The following HDAC9 variants were observed in gnomAD, a reference collection of about 807,000 sequenced individuals.
HDAC9 encodes histone deacetylase 9, also known as MEF-2 interacting transcription repressor (MITR) protein.
Under a neutral mutation model 139.4 loss-of-function variants are expected in HDAC9, and 41 were observed. The ratio of observed to expected loss-of-function variants is 0.29; its 90% CI spans 0.23 to 0.38. HDAC9 has a LOEUF of 0.38. Ranked by LOEUF, HDAC9 falls within the 10% of genes least tolerant of loss-of-function variation. HDAC9 has a pLI of 1.00. For synonymous variants in HDAC9, 517 were observed against 476.2 expected (o/e 1.09, Z -1.12); for missense variants, 1,147 against 1,297.0 (o/e 0.88, Z 1.78).
intron 2 of HDAC9, among the ~76,000 whole-genome samples, chr7:18,274,595 G>C (rs1313976270): frequency 6.6e-6 from 1 of 152,054 alleles, no homozygotes; most frequent in Non-Finnish European, 1.5e-5. Flanking sequence ...TTTGGGTGGG[G>C]ACAAACCACA....
chr7:18,603,838 T>C (rs563392879), intron 6 of HDAC9, among the ~76,000 whole-genome samples: 5 of 152,242 alleles, frequency 3.3e-5, no homozygotes, highest in East Asian at 1.9e-4. Context: ...AGGCAATAAA[T>C]GTCCTTAGTT....
intron 1 of HDAC9, among the ~76,000 whole-genome samples, chr7:18,445,515 A>T (rs563552638): frequency 5.3e-4 from 81 of 152,310 alleles, no homozygotes; most frequent in African/African-American, 1.8e-3. Context: ...GGCCTCTGTG[A>T]TTGTTTCAGA....
Position 18,612,318 on chromosome 7 carries a change from C to T in HDAC9, c.665-17032C>T, listed in dbSNP as rs1837387774. 2.6e-5 allele frequency among the ~76,000 whole-genome samples: 4 copies of T among 152,080 alleles called. No individual in the cohort carries two copies. In the South Asian group the frequency reaches 8.3e-4, roughly 31 times the overall value. ...AAAGACACATCAATTGTGTTTGCCA[C>T]TACCACTACATATACATATGTAGAA... On this transcript the variant is annotated intron_variant, in intron 6 of 25. Coordinates refer to ENST00000686413, the MANE Select transcript of HDAC9 (RefSeq NM_178425.4).
intron 2 of HDAC9, among the ~76,000 whole-genome samples, chr7:18,277,371 C>T (rs570316592): frequency 3.9e-5 from 6 of 152,066 alleles, no homozygotes; most frequent in African/African-American, 7.2e-5. Flanking sequence ...AAAAAGGAGA[C>T]GAGATGGGGC....
At chr7:18,097,268 A>G (rs956437073) in intron 1 of HDAC9, among the ~76,000 whole-genome samples, 8 of 152,106 alleles carry the variant, frequency 5.3e-5, no homozygotes, top group Non-Finnish European at 7.4e-5. Flanking sequence ...GTTGTATTGG[A>G]TGGATGAAGT....
intron 12 of HDAC9, among the ~76,000 whole-genome samples, chr7:18,722,033 C>T (rs971949035): frequency 3.3e-5 from 5 of 152,146 alleles, no homozygotes; most frequent in African/African-American, 9.7e-5. Context: ...AGTTGCATAA[C>T]AACTCTTCTG....
chr7:18,176,156 T>G (rs1046740014), intron 2 of HDAC9, among the ~76,000 whole-genome samples: 5 of 152,186 alleles, frequency 3.3e-5, no homozygotes, highest in African/African-American at 1.2e-4. Context: ...GTCATGAGTT[T>G]TGGACTCTCT....
Position 18,399,517 on chromosome 7 carries a change from T to G in HDAC9, c.-41-96745T>G, listed in dbSNP as rs117556776. On this transcript the variant is annotated intron_variant, in intron 1 of 3. Transcript: ENST00000413509. Reference sequence around the variant, plus strand: ...AAGCACAGTAAAACTCAACTTTCATTTGTTGTTTTGTCGACAAGGGAATCT... The same window carrying G: ...AAGCACAGTAAAACTCAACTTTCATGTGTTGTTTTGTCGACAAGGGAATCT... Among the ~76,000 whole-genome samples the G allele has an allele frequency of 3.0e-3, 452 of 152,208 alleles. 1 individual carries two copies. Among genetic ancestry groups the G allele is most frequent in the Non-Finnish European group, 4.9e-3 (330 of 68,008 alleles).
In HDAC9 at chr7:18,611,442, C is replaced by G. The variant is rs111952424; in HGVS notation, c.664+17413C>G. Among the ~76,000 whole-genome samples, 1,205 of 152,124 alleles carry G rather than the reference C, an allele frequency of 7.9e-3. 12 individuals carry two copies. The highest frequency in any genetic ancestry group is 0.028 in the African/African-American group (1,142 of 41,518). On this transcript the variant is annotated intron_variant, in intron 6 of 25. Transcript: ENST00000686413. ...TCCATTTTAGGCATCTTACCTATAT[C>G]TTATTAACTCTATGCAATAATCCTA...
chr7:18,287,225 C>A (rs1797510328), upstream of HDAC9, among the ~76,000 whole-genome samples: 1 of 151,366 alleles, frequency 6.6e-6, no homozygotes, highest in Admixed American at 6.6e-5. Flanking sequence ...TACTGCAAAG[C>A]CTTATTTGTT....
chr7:18,956,754 G>A (rs1486726188), intron 24 of HDAC9, among the ~76,000 whole-genome samples: 1 of 152,126 alleles, frequency 6.6e-6, no homozygotes, highest in Non-Finnish European at 1.5e-5. Flanking sequence ...GCTGTTTTTA[G>A]TCTAAGGCAG....
At chr7:18,984,262 G>A (rs780031271) in intron 25 of HDAC9, among the ~76,000 whole-genome samples, 5 of 152,038 alleles carry the variant, frequency 3.3e-5, no homozygotes, top group Non-Finnish European at 7.4e-5. Context: ...TAAAAGACGA[G>A]CAAAAGTTCA....
chr7:18,972,882 A>G lies in HDAC9; in HGVS notation c.3023-2924A>G, dbSNP rs184884888. ...AGAAAATGTGTGTCAACTGAATCAC[A>G]TATCTTAAAGTACAAGGGTAATGTA... is the stretch of plus-strand genomic sequence containing the variant. On this transcript the variant is annotated intron_variant, in intron 24 of 25. Transcript: ENST00000686413. Among the ~76,000 whole-genome samples the G allele has an allele frequency of 3.9e-5, 6 of 152,380 alleles. No homozygotes were observed. The East Asian group carries it at 1.2e-3, about 29-fold the overall frequency.
rs182742682 is a variant in HDAC9 at position 18,242,745 on chromosome 7, G to A, written c.25+80396G>A. Among the ~76,000 whole-genome samples, 362 of 151,876 alleles carry A rather than the reference G, an allele frequency of 2.4e-3. 2 individuals are homozygous for A. Among genetic ancestry groups the A allele is most frequent in the Middle Eastern group, 0.01 (3 of 292 alleles). The stretch of plus-strand genomic sequence containing the variant: ...TTTTTCTACTATATCTCCACTTCAG[G>A]TGCTTCTCTCACATTTTCCTTAAAT... On this transcript the variant is annotated intron_variant, in intron 2 of 12. Transcript: ENST00000417496.
chr7:18,225,850 A>G (rs2128179396), intron 2 of HDAC9, among the ~76,000 whole-genome samples: 1 of 152,306 alleles, frequency 6.6e-6, no homozygotes, highest in East Asian at 1.9e-4. Context: ...TTTTAAAATA[A>G]CATATTTAAA....
At chr7:18,894,178 A>T (rs1196197526) in intron 22 of HDAC9, among the ~76,000 whole-genome samples, 1 of 152,134 alleles carries the variant, frequency 6.6e-6, no homozygotes, top group Non-Finnish European at 1.5e-5. Context: ...ATGGGGAAAG[A>T]TGTGGAAAAA....
At chr7:18,494,399 G>C (rs1009959067), upstream of HDAC9, among the ~76,000 whole-genome samples, 2 of 151,982 alleles carry the variant, frequency 1.3e-5, no homozygotes, top group African/African-American at 2.4e-5. Context: ...CCATCGGATT[G>C]TTCTGGGAAT....
intron 21 of HDAC9, among the ~76,000 whole-genome samples, chr7:18,861,942 T>G (rs1015251256): frequency 1.3e-5 from 2 of 152,314 alleles, no homozygotes; most frequent in East Asian, 3.9e-4. Flanking sequence ...CTTATTCTCA[T>G]CAATGATTCA....
chr7:18,102,906 A>C (rs924360850), intron 1 of HDAC9, among the ~76,000 whole-genome samples: 2 of 152,210 alleles, frequency 1.3e-5, no homozygotes, highest in Non-Finnish European at 2.9e-5. Flanking sequence ...GGATGCCAGC[A>C]CTTTAAGAAT....
Sources: allele counts gnomAD v4.1 joint callset (sites outside exome capture counted in the v4.1 genomes callset), GRCh38; gene constraint gnomAD v4.1.1; transcripts MANE v1.5; gene names NCBI Gene and HGNC (gene_info 2026-07-23, HGNC 2026-07-21).